The following MECOM variants were observed in gnomAD, a reference collection of about 807,000 sequenced individuals.
The protein encoded by MECOM is histone-lysine N-methyltransferase MECOM.
A neutral mutation model predicts 116.3 loss-of-function variants in MECOM; 13 were observed. The observed-to-expected ratio is 0.11, with a 90% confidence interval of 0.07 to 0.18. MECOM has a LOEUF of 0.18. Among genes scored for constraint, MECOM ranks in the 10% least tolerant of loss-of-function variants. The pLI is 1.00. For synonymous variants in MECOM, 528 were observed against 535.2 expected, an observed-to-expected ratio of 0.99 and a Z score of 0.19; for missense variants, 1,299 against 1,509.0, an observed-to-expected ratio of 0.86 and a Z score of 2.31.
chr3:169,161,933 T>C (rs898944323), intron 2 of MECOM, among the ~76,000 whole-genome samples: 2 of 152,074 alleles, frequency 1.3e-5, no homozygotes, highest in Non-Finnish European at 2.9e-5. Flanking sequence ...CATTTTTAGG[T>C]GACTGAAGCT....
chr3:169,346,740 T>G (rs1230975500), intron 2 of MECOM, among the ~76,000 whole-genome samples: 2 of 152,026 alleles, frequency 1.3e-5, no homozygotes, highest in African/African-American at 4.8e-5. Flanking sequence ...CACTACTTAG[T>G]TACACACCAT....
At position 169,381,352 on chromosome 3, in the gene MECOM, G is replaced by T; in HGVS notation, c.210C>A (p.Ile70=). 1 of 1,613,898 alleles carries T rather than the reference G, an allele frequency of 6.2e-7. No homozygotes were observed. Among genetic ancestry groups the T allele is most frequent in the East Asian group, 2.2e-5 (1 of 44,864 alleles). The change falls in exon 2 of 17, where the codon ATC becomes ATA. Residue 70 remains isoleucine, a synonymous_variant. Transcript: ENST00000651503. ...EGSPYKAPIY[I]PDDIPIPAEF... The stretch of plus-strand genomic sequence containing the variant: ...CAGCAGGAATGGGGATATCATCAGG[G>T]ATGTAGATGGGGGCTTTGTAAGGAG...
intron 2 of MECOM, among the ~76,000 whole-genome samples, chr3:169,243,866 T>G (rs1015964327): frequency 6.6e-6 from 1 of 152,216 alleles, no homozygotes; most frequent in African/African-American, 2.4e-5. Context: ...AAGTGCAGAA[T>G]AATAAATTAC....
intron 1 of MECOM, among the ~76,000 whole-genome samples, chr3:169,603,504 T>C (rs1768093166): frequency 6.6e-6 from 1 of 152,234 alleles, no homozygotes; most frequent in African/African-American, 2.4e-5. Context: ...AGCAGTGTAC[T>C]GCAAAGTCCA....
At position 169,518,796 on chromosome 3, in the gene MECOM, C is replaced by T. The variant is rs1015824390; in HGVS notation, c.38-137272G>A. On this transcript the variant is annotated intron_variant, in intron 1 of 16. Transcript: ENST00000651503. ...GGAGACAGGTCTTTTCTGCGCTGTT[C>T]TCATGATAGTGAGATCAGTCTCATA... is the stretch of plus-strand genomic sequence containing the variant. Among the ~76,000 whole-genome samples the T allele has an allele frequency of 5.3e-5, 8 of 152,126 alleles. No homozygotes were observed. The East Asian group carries it at 1.5e-3, about 29-fold the overall frequency.
chr3:169,354,320 A>C (rs1726877412), intron 2 of MECOM, among the ~76,000 whole-genome samples: 1 of 151,876 alleles, frequency 6.6e-6, no homozygotes, highest in Non-Finnish European at 1.5e-5. Flanking sequence ...GAACATGTTA[A>C]ATCTCAAAAA....
At chr3:169,401,526 G>T (rs927533943) in intron 1 of MECOM, among the ~76,000 whole-genome samples, 3 of 152,196 alleles carry the variant, frequency 2.0e-5, no homozygotes, top group Non-Finnish European at 4.4e-5. Flanking sequence ...AGGAAGACAT[G>T]CAAACAAAAC....
chr3:169,178,853 T>C (rs1745565656), intron 2 of MECOM, among the ~76,000 whole-genome samples: 1 of 152,188 alleles, frequency 6.6e-6, no homozygotes, highest in Admixed American at 6.6e-5. Flanking sequence ...GTCTCTTTTG[T>C]GAGGTGGCTA....
intron 2 of MECOM, among the ~76,000 whole-genome samples, chr3:169,263,104 TATATATATATATATATATATATATG>T (rs373284172): frequency 0.016 from 1,477 of 92,862 alleles, 79 homozygotes; most frequent in African/African-American, 0.063. Flanking sequence ...TATATATATA[TATATATATATATATATATATATATG>T]TTTTTTTTTT....
chr3:169,595,523 AT>A (rs1406337702), intron 1 of MECOM, among the ~76,000 whole-genome samples: 2 of 152,162 alleles, frequency 1.3e-5, no homozygotes, highest in African/African-American at 4.8e-5. Context: ...TTAATGCAAG[AT>A]TTTTTTATCT....
intron 2 of MECOM, among the ~76,000 whole-genome samples, chr3:169,196,747 A>T (rs1748457916): frequency 6.6e-6 from 1 of 152,088 alleles, no homozygotes; most frequent in South Asian, 2.1e-4. Flanking sequence ...TTGGGAAAGC[A>T]GTGTGGCAAT....
chr3:169,290,643 T>A, intron 2 of MECOM, among the ~76,000 whole-genome samples: 1 of 152,184 alleles, frequency 6.6e-6, no homozygotes, highest in East Asian at 1.9e-4. Context: ...TTAAAAACTG[T>A]TGGGTGACTT....
intron 1 of MECOM, among the ~76,000 whole-genome samples, chr3:169,473,472 G>A (rs1429821226): frequency 6.6e-6 from 1 of 152,182 alleles, no homozygotes; most frequent in Non-Finnish European, 1.5e-5. Flanking sequence ...GAAGAAATAT[G>A]TTTAAACACC....
intron 2 of MECOM, among the ~76,000 whole-genome samples, chr3:169,303,539 G>A (rs1432352825): frequency 2.6e-5 from 4 of 152,178 alleles, no homozygotes; most frequent in Non-Finnish European, 5.9e-5. Context: ...TAAGATAACA[G>A]GGAGTGGTGA....
intron 1 of MECOM, among the ~76,000 whole-genome samples, chr3:169,532,240 G>A (rs1758738605): frequency 6.6e-6 from 1 of 152,174 alleles, no homozygotes; most frequent in Non-Finnish European, 1.5e-5. Context: ...CTGAGAATCT[G>A]CACTTCTAAC....
At chr3:169,428,240 C>T (rs1741040653) in intron 1 of MECOM, among the ~76,000 whole-genome samples, 1 of 152,180 alleles carries the variant, frequency 6.6e-6, no homozygotes, top group African/African-American at 2.4e-5. Flanking sequence ...TTGTTTAAGC[C>T]AGTGGTCCCC....
intron 2 of MECOM, among the ~76,000 whole-genome samples, chr3:169,266,710 A>G (rs1560066256): frequency 6.6e-6 from 1 of 152,200 alleles, no homozygotes; most frequent in Admixed American, 6.5e-5. Flanking sequence ...CTATTAAAGG[A>G]AAAACTTCTG....
chr3:169,507,004 G>A (rs1434982681), intron 1 of MECOM, among the ~76,000 whole-genome samples: 1 of 152,158 alleles, frequency 6.6e-6, no homozygotes, highest in Non-Finnish European at 1.5e-5. Context: ...CTTCATCAAG[G>A]AGGAAACTTC....
chr3:169,185,367 A>G (rs1328647799), intron 2 of MECOM, among the ~76,000 whole-genome samples: 3 of 152,222 alleles, frequency 2.0e-5, no homozygotes, highest in Non-Finnish European at 4.4e-5. Flanking sequence ...ATAGAGTCCA[A>G]GAGGCAAGAA....
Sources: gnomAD v4.1 joint callset for allele counts (sites outside exome capture counted in the v4.1 genomes callset) on GRCh38, gnomAD v4.1.1 for gene constraint, MANE v1.5 for transcripts, NCBI Gene and HGNC (gene_info 2026-07-23, HGNC 2026-07-21) for gene names.